The following GABBR2 variants were observed in gnomAD, a reference collection of about 807,000 sequenced individuals.
GABBR2 encodes gamma-aminobutyric acid type B receptor subunit 2, also known as G-protein coupled receptor 51.
In GABBR2, 23 loss-of-function variants were observed where a neutral mutation model predicts 105.6. That is an observed-to-expected ratio of 0.22 (90% confidence interval 0.16 to 0.31). The LOEUF (loss-of-function observed/expected upper bound fraction) is 0.31. Ranked by LOEUF, GABBR2 falls within the 10% of genes least tolerant of loss-of-function variation. The pLI, the probability that GABBR2 is intolerant of heterozygous loss-of-function variation, is 1.00. For synonymous variants in GABBR2, 478 were observed against 499.7 expected, an observed-to-expected ratio of 0.96 and a Z score of 0.58; for missense variants, 734 against 1,245.5, an observed-to-expected ratio of 0.59 and a Z score of 6.18.
At chr9:98,390,548 A>C (rs982027786) in intron 9 of GABBR2, among the ~76,000 whole-genome samples, 1 of 152,114 alleles carries the variant, frequency 6.6e-6, no homozygotes, top group Non-Finnish European at 1.5e-5. Flanking sequence ...AACATTTATA[A>C]GAAAAGTGGC....
At chr9:98,564,111 G>A (rs761251927) in intron 2 of GABBR2, among the ~76,000 whole-genome samples, 1 of 152,128 alleles carries the variant, frequency 6.6e-6, no homozygotes, top group Non-Finnish European at 1.5e-5. Context: ...GGTGTGTGGG[G>A]GTCATGAATG....
intron 1 of GABBR2, among the ~76,000 whole-genome samples, chr9:98,614,243 G>T (rs910130653): frequency 6.6e-6 from 1 of 152,128 alleles, no homozygotes; most frequent in Non-Finnish European, 1.5e-5. Flanking sequence ...GATAAACTAG[G>T]CTGGGCGCGG....
chr9:98,489,233 T>C (rs569489521), intron 4 of GABBR2, among the ~76,000 whole-genome samples: 1 of 152,160 alleles, frequency 6.6e-6, no homozygotes, highest in Non-Finnish European at 1.5e-5. Context: ...CATGAATCTG[T>C]GGGCACAAAG....
intron 13 of GABBR2, among the ~76,000 whole-genome samples, chr9:98,349,777 A>G (rs1831365325): frequency 6.6e-6 from 1 of 152,200 alleles, no homozygotes; most frequent in African/African-American, 2.4e-5. Flanking sequence ...TAGAATGAAT[A>G]AGAAAGAATT....
chr9:98,306,033 A>G lies in GABBR2; in HGVS notation c.2229+88T>C. ...ATCATAAAAAAAAAAAGGAATGGGT[A>G]AACCTTTTAGAGAATGGAGAAAAGC... On this transcript the variant is annotated intron_variant, in intron 15 of 18. Coordinates refer to ENST00000259455, the MANE Select transcript of GABBR2 (RefSeq NM_005458.8). This position sits in a 1 kb window ranked among gnomAD's most constrained non-coding sequence, Gnocchi z 5.4. The G allele has an allele frequency of 1.2e-6, 1 of 846,158 alleles. No homozygotes were observed. The highest frequency in any genetic ancestry group is 1.9e-6 in the Non-Finnish European group (1 of 529,290). The allele number at this position is 846,158 out of a possible 1,614,324, so 52.4% of individuals were successfully genotyped here. A position where few individuals can be genotyped will look rare whatever the true frequency, so the allele number is the denominator to read the frequency against.
Position 98,541,943 on chromosome 9 carries a change from A to G in GABBR2, c.560T>C (p.Leu187Pro). 1 of 1,614,198 alleles carries G rather than the reference A, an allele frequency of 6.2e-7. No homozygotes were observed. Among genetic ancestry groups the G allele is most frequent in the African/African-American group, 1.3e-5 (1 of 75,072 alleles). ...PSDNAVNPAI[L>P]KLLKHYQWKR... ...CCACTGGTAGTGCTTGAGCAACTTC[A>G]GAATGGCTGGATTCACCGCATTGTC... Residue 187 changes from leucine (L) to proline (P), a missense_variant, in exon 3 of 19, where the codon CTG (leucine) becomes CCG (proline). Physicochemically the swap from Leu to Pro is moderately conservative, Grantham distance 98. Around this residue, in one of 7 missense-constraint regions of GABBR2, gnomAD observed 370 missense variants for 648.9 expected, o/e 0.57. Transcript: ENST00000259455.
chr9:98,389,793 C>T (rs1832146058), intron 9 of GABBR2, among the ~76,000 whole-genome samples: 1 of 152,146 alleles, frequency 6.6e-6, no homozygotes, highest in South Asian at 2.1e-4. Flanking sequence ...TTCAGGGACT[C>T]CCCCAGCTTC....
At chr9:98,446,114 C>G (rs1826123549) in intron 7 of GABBR2, among the ~76,000 whole-genome samples, 1 of 152,118 alleles carries the variant, frequency 6.6e-6, no homozygotes, top group African/African-American at 2.4e-5. Flanking sequence ...AGCCTTCTTA[C>G]AAGTTAATAG....
At position 98,357,665 on chromosome 9, in the gene GABBR2, A is replaced by C. The variant is rs139628972; in HGVS notation, c.1893+5050T>G. On this transcript the variant is annotated intron_variant, in intron 13 of 18. Coordinates refer to ENST00000259455, the MANE Select transcript of GABBR2 (RefSeq NM_005458.8). Reference sequence around the variant, plus strand: ...TCAAAACAAAACAAAACAGACAAACAAACAAAAAACAACAACAAAAAAAAA... The same window carrying C: ...TCAAAACAAAACAAAACAGACAAACCAACAAAAAACAACAACAAAAAAAAA... Among the ~76,000 whole-genome samples, 3 of 100,956 alleles carry C rather than the reference A, an allele frequency of 3.0e-5. 1 individual carries two copies. The East Asian group carries it at 9.8e-4, about 33-fold the overall frequency. The allele number at this position is 100,956 out of a possible 152,430, so 66.2% of individuals were successfully genotyped here. A position where few individuals can be genotyped will look rare whatever the true frequency, so the allele number is the denominator to read the frequency against.
intron 2 of GABBR2, among the ~76,000 whole-genome samples, chr9:98,563,731 T>C (rs62576024): frequency 0.12 from 18,870 of 152,268 alleles, 1,510 homozygotes; most frequent in Non-Finnish European, 0.17. Context: ...TCTAGATCGT[T>C]ATCTAACCTA....
chr9:98,480,132 C>A (rs1826885463), intron 5 of GABBR2, among the ~76,000 whole-genome samples: 1 of 152,128 alleles, frequency 6.6e-6, no homozygotes, highest in Non-Finnish European at 1.5e-5. Flanking sequence ...TGACCTCAGT[C>A]TAAAAGGTGA....
chr9:98,658,820 G>A (rs1316744605), intron 1 of GABBR2, among the ~76,000 whole-genome samples: 1 of 152,166 alleles, frequency 6.6e-6, no homozygotes, highest in Non-Finnish European at 1.5e-5. Context: ...CTAGTCGTGA[G>A]ACCCCCAACT....
chr9:98,626,015 C>G (rs926155286), intron 1 of GABBR2, among the ~76,000 whole-genome samples: 3 of 152,144 alleles, frequency 2.0e-5, no homozygotes, highest in Admixed American at 2.0e-4. Flanking sequence ...CATAGGGAGG[C>G]CCTGGGAGAA....
intron 1 of GABBR2, among the ~76,000 whole-genome samples, chr9:98,652,807 A>C (rs1830128203): frequency 6.6e-6 from 1 of 152,240 alleles, no homozygotes; most frequent in Admixed American, 6.5e-5. Flanking sequence ...AGGGGCTCTG[A>C]GGTCTGAACA....
intron 1 of GABBR2, among the ~76,000 whole-genome samples, chr9:98,648,295 C>T (rs1830059230): frequency 1.3e-5 from 2 of 151,952 alleles, no homozygotes; most frequent in African/African-American, 4.8e-5. Context: ...CCACGCCCAG[C>T]TAATTTTTGT....
chr9:98,399,625 G>A (rs929150143), intron 8 of GABBR2, among the ~76,000 whole-genome samples: 9 of 152,242 alleles, frequency 5.9e-5, no homozygotes, highest in African/African-American at 1.9e-4. Context: ...CAGGTAGGGG[G>A]TCACCTGCTA....
intron 1 of GABBR2, among the ~76,000 whole-genome samples, chr9:98,677,931 T>C (rs890132397): frequency 1.3e-5 from 2 of 152,126 alleles, no homozygotes; most frequent in East Asian, 3.9e-4. Context: ...CTGTCCTTTG[T>C]TTTTGTTTTT....
intron 17 of GABBR2, among the ~76,000 whole-genome samples, chr9:98,296,455 A>T (rs1224103232): frequency 6.6e-6 from 1 of 152,186 alleles, no homozygotes; most frequent in East Asian, 1.9e-4. Flanking sequence ...ACAAATCCCA[A>T]AAGTGGGATT....
intron 3 of GABBR2, among the ~76,000 whole-genome samples, chr9:98,512,231 T>C (rs545974029): frequency 7.6e-6 from 1 of 131,900 alleles, no homozygotes; most frequent in Non-Finnish European, 1.7e-5. Context: ...AAACTCTCAA[T>C]AAATTAGGTA....
Sources: gnomAD v4.1 joint callset for allele counts (sites outside exome capture counted in the v4.1 genomes callset) on GRCh38, gnomAD v4.1.1 for gene constraint, gnomAD v4.1.1 regional missense constraint, Gnocchi (gnomAD v3.1) non-coding constraint, MANE v1.5 for transcripts, NCBI Gene and HGNC (gene_info 2026-07-23, HGNC 2026-07-21) for gene names.